SORL1: variants seen among roughly 807,000 people sequenced by gnomAD.
The protein encoded by SORL1 is sortilin-related receptor.
In SORL1, 127 loss-of-function variants were observed where a neutral mutation model predicts 273.7. The ratio of observed to expected loss-of-function variants is 0.46; its 90% confidence interval spans 0.40 to 0.54. SORL1 has a LOEUF of 0.54. Among genes scored for constraint, SORL1 ranks in the 20% least tolerant of loss-of-function variants. The pLI, the probability that SORL1 is intolerant of heterozygous loss-of-function variation, is 0.00. For synonymous variants in SORL1, 1,031 were observed against 1,067.4 expected (o/e 0.97, Z 0.66); for missense variants, 2,494 against 2,846.1 (o/e 0.88, Z 2.81).
At chr11:121,544,770 T>C (rs578111190) in intron 13 of SORL1, among the ~76,000 whole-genome samples, 2 of 152,294 alleles carry the variant, frequency 1.3e-5, no homozygotes, top group African/African-American at 4.8e-5. Flanking sequence ...CCAGCCTCTT[T>C]CCATGGAGAT....
intron 1 of SORL1, among the ~76,000 whole-genome samples, chr11:121,457,444 A>G (rs1384280255): frequency 5.3e-5 from 8 of 152,206 alleles, no homozygotes; most frequent in South Asian, 4.1e-4. Context: ...CAGTCTATGC[A>G]TGTACAACAT....
At chr11:121,457,390 G>A (rs1418317455) in intron 1 of SORL1, among the ~76,000 whole-genome samples, 1 of 152,156 alleles carries the variant, frequency 6.6e-6, no homozygotes, top group East Asian at 1.9e-4. Context: ...TCCTTTCCGG[G>A]TGGCATCCGT....
At chr11:121,489,211 C>A (rs1388706734) in intron 4 of SORL1, among the ~76,000 whole-genome samples, 1 of 152,112 alleles carries the variant, frequency 6.6e-6, no homozygotes, top group African/African-American at 2.4e-5. Context: ...TTTTCTTCCT[C>A]TTTTTTGTGC....
chr11:121,610,262 C>T (rs1369881651), intron 38 of SORL1: 1 of 152,156 alleles, frequency 6.6e-6, no homozygotes, highest in Non-Finnish European at 1.5e-5. Flanking sequence ...TCATGCTGGG[C>T]CAAGCACTGT....
chr11:121,612,933 G>T lies in SORL1; in HGVS notation c.5419+101G>T. 5.1e-6 allele frequency: 4 copies of T among 786,144 alleles called. No homozygotes were observed. In the South Asian group the frequency reaches 6.3e-5, roughly 12 times the overall value. 48.7% of individuals were successfully genotyped at this position (786,144 alleles called of 1,614,324 possible). Reference sequence around the variant, plus strand: ...GACTGGGGGTGCCAGGGAAGGGGAGGTATTCTCTGGAAGCTGTTCTGTGTT... The same window carrying T: ...GACTGGGGGTGCCAGGGAAGGGGAGTTATTCTCTGGAAGCTGTTCTGTGTT... On this transcript the variant is annotated intron_variant, in intron 40 of 47. Coordinates refer to ENST00000260197, the MANE Select transcript of SORL1 (RefSeq NM_003105.6).
At chr11:121,515,143 G>A (rs1187227472) in intron 8 of SORL1, among the ~76,000 whole-genome samples, 1 of 152,202 alleles carries the variant, frequency 6.6e-6, no homozygotes, top group Non-Finnish European at 1.5e-5. Context: ...TTATTCACAG[G>A]TATGCTGCTG....
At chr11:121,577,249 C>T in intron 24 of SORL1, 32 bp from the exon 25 acceptor site, 2 of 1,556,006 alleles carry the variant, frequency 1.3e-6, no homozygotes, top group South Asian at 1.2e-5. Flanking sequence ...AAGCTTTTGT[C>T]CTCACCTCTC....
At chr11:121,615,699 C>T (rs764591907) in intron 41 of SORL1, among the ~76,000 whole-genome samples, 24 of 152,190 alleles carry the variant, frequency 1.6e-4, no homozygotes, top group East Asian at 3.9e-4. Context: ...ATATCTTCAG[C>T]GTGCATTTGT....
intron 1 of SORL1, among the ~76,000 whole-genome samples, chr11:121,455,950 GC>G (rs1860896007): frequency 6.7e-6 from 1 of 149,886 alleles, no homozygotes. Flanking sequence ...CCGAGATCGC[GC>G]CATTGCACTC....
intron 32 of SORL1, among the ~76,000 whole-genome samples, chr11:121,598,142 A>G (rs1863328407): frequency 6.6e-6 from 1 of 152,050 alleles, no homozygotes; most frequent in Non-Finnish European, 1.5e-5. Context: ...GATTTCAGAG[A>G]TGGGGTGTTT....
intron 12 of SORL1, among the ~76,000 whole-genome samples, chr11:121,537,635 C>T (rs1051813030): frequency 5.9e-5 from 9 of 152,152 alleles, no homozygotes; most frequent in Admixed American, 2.0e-4. Flanking sequence ...GAATTTTCTC[C>T]GTGCCATCTG....
Position 121,452,473 on chromosome 11 carries a change from T to C in SORL1, c.142T>C (p.Phe48Leu). The C allele has an allele frequency of 6.6e-7, 1 of 1,504,748 alleles. No homozygotes were observed. Among genetic ancestry groups the C allele is most frequent in the Non-Finnish European group, 8.9e-7 (1 of 1,127,860 alleles). The allele number at this position is 1,504,748 out of a possible 1,614,324, so 93.2% of individuals were successfully genotyped here. A position where few individuals can be genotyped will look rare whatever the true frequency, so the allele number is the denominator to read the frequency against. ...GSAPLPQDRG[F>L]LVVQGDPREL... ...CGCGCCCTTGCCCCAGGACCGGGGC[T>C]TCCTCGTGGTGCAGGGCGACCCGCG... Residue 48 changes from phenylalanine (F) to leucine (L), a missense_variant, in exon 1 of 48, where the codon TTC becomes CTC. Physicochemically the swap from Phe to Leu is conservative, Grantham distance 22. Coordinates refer to ENST00000260197, the MANE Select transcript of SORL1 (RefSeq NM_003105.6). The surrounding 1 kb of genome is among the most constrained non-coding windows in gnomAD (Gnocchi z 5.3).
intron 44 of SORL1, among the ~76,000 whole-genome samples, chr11:121,621,914 T>C (rs1451971582): frequency 2.0e-5 from 3 of 152,234 alleles, no homozygotes; most frequent in Non-Finnish European, 4.4e-5. Context: ...TTGTACACAC[T>C]TGGTTACAAG....
chr11:121,532,636 T>C (rs631232), intron 12 of SORL1, 84 bp downstream of exon 12: 1,163,755 of 1,167,764 alleles, frequency 1, 579,984 homozygotes, highest in East Asian at 1. Flanking sequence ...TATCTCTCTA[T>C]AGCACTATGT....
intron 11 of SORL1, among the ~76,000 whole-genome samples, chr11:121,524,755 CTT>C (rs1281857383): frequency 6.0e-5 from 9 of 150,388 alleles, no homozygotes; most frequent in Admixed American, 6.6e-5. Context: ...TTATTTTTAG[CTT>C]TTTTCTTTAT....
At chr11:121,518,561 A>G (rs992224383) in intron 8 of SORL1, among the ~76,000 whole-genome samples, 5 of 152,228 alleles carry the variant, frequency 3.3e-5, no homozygotes, top group African/African-American at 1.2e-4. Context: ...TGACAGGTTT[A>G]TGATGATAAC....
intron 1 of SORL1, chr11:121,453,005 G>C (rs1860834000): frequency 1.1e-5 from 2 of 185,464 alleles, no homozygotes; most frequent in South Asian, 3.4e-4. Context: ...CACTTACACA[G>C]AACAGCACGA....
chr11:121,628,383 C>T (rs546876088), intron 47 of SORL1, among the ~76,000 whole-genome samples: 1 of 152,198 alleles, frequency 6.6e-6, no homozygotes, highest in East Asian at 1.9e-4. Context: ...ATTAGATTCT[C>T]ATAGGGAGCG....
At chr11:121,573,155 T>C (rs1385229878) in intron 23 of SORL1, among the ~76,000 whole-genome samples, 1 of 152,156 alleles carries the variant, frequency 6.6e-6, no homozygotes, top group African/African-American at 2.4e-5. Flanking sequence ...CAGAAGGACA[T>C]GAGGAATGAT....
Sources: gnomAD v4.1 joint callset for allele counts (sites outside exome capture counted in the v4.1 genomes callset) on GRCh38, gnomAD v4.1.1 for gene constraint, Gnocchi (gnomAD v3.1) non-coding constraint, MANE v1.5 for transcripts, NCBI Gene and HGNC (gene_info 2026-07-23, HGNC 2026-07-21) for gene names.